The following SAMD5 variants were observed in gnomAD, a reference collection of about 807,000 sequenced individuals.
SAMD5 encodes the protein sterile alpha motif domain containing 5, also known as sterile alpha motif domain-containing protein 5.
SAMD5 carries 13 observed loss-of-function variants against 11.3 expected under a neutral mutation model. That is an observed-to-expected ratio of 1.15 (90% confidence interval 0.75 to 1.83). The LOEUF (loss-of-function observed/expected upper bound fraction) is 1.83. Among genes scored for constraint, SAMD5 ranks in the 40% most tolerant of loss-of-function variants. The pLI, the probability that SAMD5 is intolerant of heterozygous loss-of-function variation, is 0.00. For synonymous variants in SAMD5, 129 were observed against 111.3 expected, an observed-to-expected ratio of 1.16 and a Z score of -1.00; for missense variants, 255 against 239.1, an observed-to-expected ratio of 1.07 and a Z score of -0.44.
intron 1 of SAMD5, among the ~76,000 whole-genome samples, chr6:147,605,962 C>A (rs1469361565): frequency 6.6e-6 from 1 of 151,862 alleles, no homozygotes; most frequent in Non-Finnish European, 1.5e-5. Flanking sequence ...GGTTGGCACA[C>A]AAGATACAGC....
At chr6:147,849,069 T>C in the SAMD5 span, among the ~76,000 whole-genome samples, 2 of 152,274 alleles carry the variant, frequency 1.3e-5, no homozygotes, top group African/African-American at 4.8e-5. Flanking sequence ...CAACCCCTCC[T>C]TTAGAGAACT....
chr6:147,610,345 G>C (rs1789765243), intron 1 of SAMD5, among the ~76,000 whole-genome samples: 1 of 152,180 alleles, frequency 6.6e-6, no homozygotes, highest in Non-Finnish European at 1.5e-5. Flanking sequence ...ACAAGAGACT[G>C]TATTCAAGAC....
intron 1 of SAMD5, among the ~76,000 whole-genome samples, chr6:147,642,291 T>C (rs2128452474): frequency 6.6e-6 from 1 of 152,354 alleles, no homozygotes; most frequent in East Asian, 1.9e-4. Flanking sequence ...ATTGTCTTAG[T>C]GCATTTAATT....
At chr6:147,643,934 A>C (rs17329613) in intron 1 of SAMD5, among the ~76,000 whole-genome samples, 5,325 of 149,954 alleles carry the variant, frequency 0.036, 125 homozygotes, top group South Asian at 0.053. Context: ...TGGGATCTCA[A>C]CTTGCCTGGG....
the SAMD5 span, among the ~76,000 whole-genome samples, chr6:147,877,346 G>A: frequency 6.6e-6 from 1 of 152,086 alleles, no homozygotes; most frequent in African/African-American, 2.4e-5. Context: ...GATAATCCTT[G>A]TATATTTTTC....
chr6:147,585,504 G>C (rs1789361518), intron 1 of SAMD5, among the ~76,000 whole-genome samples: 1 of 152,090 alleles, frequency 6.6e-6, no homozygotes, highest in African/African-American at 2.4e-5. Context: ...CTTAGTAATG[G>C]GAAGGCACCA....
At chr6:147,632,403 C>T (rs1005555229) in intron 1 of SAMD5, among the ~76,000 whole-genome samples, 2 of 151,956 alleles carry the variant, frequency 1.3e-5, no homozygotes, top group African/African-American at 2.4e-5. Flanking sequence ...AGTGAGGGCT[C>T]GAGTTAAGGC....
At chr6:147,673,589 A>G (rs1383124693) in intron 1 of SAMD5, among the ~76,000 whole-genome samples, 1 of 151,238 alleles carries the variant, frequency 6.6e-6, no homozygotes, top group Non-Finnish European at 1.5e-5. Flanking sequence ...TCCTCTATTT[A>G]TTGATGGTAT....
At position 147,566,135 on chromosome 6, in the gene SAMD5, T is replaced by C; in HGVS notation, c.*1679T>C. 1.0e-6 allele frequency: 1 copy of C among 982,422 alleles called. No individual in the cohort carries two copies. Among genetic ancestry groups the C allele is most frequent in the Non-Finnish European group, 1.2e-6 (1 of 827,206 alleles). 60.9% of individuals were successfully genotyped at this position (982,422 alleles called of 1,614,324 possible). A position where few individuals can be genotyped will look rare whatever the true frequency, so the allele number is the denominator to read the frequency against. On this transcript the variant is annotated 3_prime_UTR_variant, in exon 2 of 2. Transcript: ENST00000367474. ...ATCTGAAGTTTAAATAGTTTAGCTA[T>C]TTCTGTAGGTTAATTCAGGCACTGA...
the SAMD5 span, among the ~76,000 whole-genome samples, chr6:147,878,613 ATATATATG>A: frequency 1.4e-5 from 2 of 146,610 alleles, no homozygotes; most frequent in African/African-American, 2.5e-5. Flanking sequence ...ATCTATATAG[ATATATATG>A]TATATATATC....
At chr6:147,735,791 G>T (rs1253852791) in intron 1 of SAMD5, among the ~76,000 whole-genome samples, 1 of 152,048 alleles carries the variant, frequency 6.6e-6, no homozygotes, top group African/African-American at 2.4e-5. Context: ...CCAGATAGTT[G>T]ACGTGTTTTT....
chr6:147,815,784 A>C, the SAMD5 span, among the ~76,000 whole-genome samples: 5 of 152,204 alleles, frequency 3.3e-5, no homozygotes, highest in Admixed American at 3.3e-4. Context: ...GCCCCCTCCC[A>C]GGAGTCAGAT....
At chr6:147,653,543 G>T (rs895971283) in intron 1 of SAMD5, among the ~76,000 whole-genome samples, 2 of 152,226 alleles carry the variant, frequency 1.3e-5, no homozygotes, top group Admixed American at 6.5e-5. Flanking sequence ...CCGGTGTCTG[G>T]TTCAAAGACT....
At chr6:147,581,687 A>G (rs1017762022) in intron 1 of SAMD5, among the ~76,000 whole-genome samples, 10 of 152,328 alleles carry the variant, frequency 6.6e-5, no homozygotes, top group South Asian at 6.2e-4. Context: ...GAGCCCTATG[A>G]CGTAGAAATC....
the SAMD5 span, among the ~76,000 whole-genome samples, chr6:147,874,400 T>C: frequency 6.6e-6 from 1 of 152,148 alleles, no homozygotes; most frequent in African/African-American, 2.4e-5. Context: ...TGACCTTTTC[T>C]TGGATTTTTT....
chr6:147,879,521 A>G, the SAMD5 span, among the ~76,000 whole-genome samples: 1 of 152,240 alleles, frequency 6.6e-6, no homozygotes, highest in Non-Finnish European at 1.5e-5. Context: ...AAAGGTGCCA[A>G]TTACAGCACG....
chr6:147,695,675 T>C (rs931230456), intron 1 of SAMD5, among the ~76,000 whole-genome samples: 1 of 152,170 alleles, frequency 6.6e-6, no homozygotes, highest in Non-Finnish European at 1.5e-5. Flanking sequence ...GCTACCAGTG[T>C]CTACAAAGAC....
chr6:147,722,071 A>G (rs946701588), intron 1 of SAMD5, among the ~76,000 whole-genome samples: 5 of 152,220 alleles, frequency 3.3e-5, no homozygotes, highest in African/African-American at 7.2e-5. Flanking sequence ...ATTTATGCCA[A>G]TATGCCTATT....
At chr6:147,607,841 G>C (rs534383464) in intron 1 of SAMD5, among the ~76,000 whole-genome samples, 1 of 152,108 alleles carries the variant, frequency 6.6e-6, no homozygotes, top group Admixed American at 6.5e-5. Context: ...AAAGTGAAAA[G>C]ACAACCCACA....
Sources: allele counts gnomAD v4.1 joint callset (sites outside exome capture counted in the v4.1 genomes callset), GRCh38; gene constraint gnomAD v4.1.1; transcripts MANE v1.5; gene names NCBI Gene and HGNC (gene_info 2026-07-23, HGNC 2026-07-21).